The following ATR variants were observed in gnomAD, a reference collection of about 807,000 sequenced individuals.
The protein encoded by ATR is serine/threonine-protein kinase ATR.
ATR carries 142 observed loss-of-function variants against 305.3 expected under a neutral mutation model. That is an observed-to-expected ratio of 0.47 (90% CI 0.41 to 0.53). The LOEUF (loss-of-function observed/expected upper bound fraction) is 0.53, where lower values mean the gene tolerates loss of function less well. Ranked by LOEUF, ATR falls within the 20% of genes least tolerant of loss-of-function variation. ATR has a pLI of 0.00. For missense variants in ATR, 2,135 were observed against 3,133.1 expected, an observed-to-expected ratio of 0.68 and a Z score of 7.60; for synonymous variants, 1,050 against 1,068.1, an observed-to-expected ratio of 0.98 and a Z score of 0.33.
In ATR at chr3:142,457,703, A is replaced by G; in HGVS notation, c.7556T>C (p.Met2519Thr). 1 of 1,614,084 alleles carries G rather than the reference A, an allele frequency of 6.2e-7. No individual in the cohort carries two copies. The highest frequency in any genetic ancestry group is 8.5e-7 in the Non-Finnish European group (1 of 1,179,970). ...TCCCATAGGACCCATTCCATTAACC[A>G]TATTATGAGTCAGGCGAAATGGCAC... is the stretch of plus-strand genomic sequence containing the variant. Reference protein sequence around the residue: ...EIVPFRLTHNMVNGMGPMGTE... With the variant: ...EIVPFRLTHNTVNGMGPMGTE... Residue 2519 changes from methionine to threonine, a missense_variant, in exon 45 of 47, where the codon ATG becomes ACG. Physicochemically the swap from Met to Thr is moderately conservative, Grantham distance 81 (BLOSUM62 -1). Around this residue, in one of 9 missense-constraint regions of ATR, gnomAD observed 462 missense variants for 887.6 expected, o/e 0.52. Transcript: ENST00000350721.
At chr3:142,478,301 G>A (rs1204147136) in intron 36 of ATR, among the ~76,000 whole-genome samples, 10 of 152,174 alleles carry the variant, frequency 6.6e-5, no homozygotes, top group South Asian at 4.2e-4. Context: ...CTTTGTTCTC[G>A]TTGGTTTCAA....
chr3:142,505,118 G>C (rs2108354940), intron 29 of ATR, 21 bp downstream of exon 29: 1 of 1,613,318 alleles, frequency 6.2e-7, no homozygotes, highest in Non-Finnish European at 8.5e-7. Flanking sequence ...CATTACAGTT[G>C]CCTTTCAATT....
intron 21 of ATR, among the ~76,000 whole-genome samples, chr3:142,528,643 G>C (rs2108408593): frequency 6.6e-6 from 1 of 151,432 alleles, no homozygotes; most frequent in African/African-American, 2.4e-5. Flanking sequence ...AAGCCAATTT[G>C]TAAATTTTTT....
At chr3:142,536,801 T>C (rs1490578307) in intron 19 of ATR, among the ~76,000 whole-genome samples, 1 of 152,194 alleles carries the variant, frequency 6.6e-6, no homozygotes, top group Non-Finnish European at 1.5e-5. Flanking sequence ...AAATGCTCAT[T>C]GTTTTAAGAT....
chr3:142,569,658 T>G (rs914941745), intron 1 of ATR, among the ~76,000 whole-genome samples: 2 of 149,176 alleles, frequency 1.3e-5, no homozygotes, highest in South Asian at 2.1e-4. Flanking sequence ...TGTTTTTTGG[T>G]TTTTTTTGAG....
At chr3:142,494,627 G>T (rs2031480827) in intron 34 of ATR, among the ~76,000 whole-genome samples, 1 of 152,126 alleles carries the variant, frequency 6.6e-6, no homozygotes. Context: ...CTAGGTAGAT[G>T]GAATAATAAT....
chr3:142,563,042 G>A lies in ATR; in HGVS notation c.360C>T (p.His120=). 6.3e-7 allele frequency: 1 copy of A among 1,599,438 alleles called. No individual in the cohort carries two copies. Among genetic ancestry groups the A allele is most frequent in the South Asian group, 1.1e-5 (1 of 87,654 alleles). Residue 120 remains histidine (H), a synonymous_variant, in exon 4 of 47, where the codon CAC becomes CAT. Coordinates refer to ENST00000350721, the MANE Select transcript of ATR (RefSeq NM_001184.4). ...AACAGATGACTTCACAGATTTTCTT[G>A]TGTAACAAATGACAGGAGGGAGTTG... ...IAATPSCHLL[H]KKICEVICSL... is the part of the protein sequence containing the mutation.
chr3:142,557,660 A>G (rs1325360433), intron 8 of ATR, among the ~76,000 whole-genome samples: 1 of 152,206 alleles, frequency 6.6e-6, no homozygotes, highest in Non-Finnish European at 1.5e-5. Context: ...GGCTTCCATC[A>G]TATCTCTAAT....
chr3:142,473,273 G>A (rs1303025975), intron 36 of ATR, among the ~76,000 whole-genome samples: 1 of 152,094 alleles, frequency 6.6e-6, no homozygotes, highest in South Asian at 2.1e-4. Context: ...GTTGATTTTT[G>A]TATATGGTGT....
chr3:142,546,225 C>G (rs530432802), intron 16 of ATR, among the ~76,000 whole-genome samples: 1 of 152,274 alleles, frequency 6.6e-6, no homozygotes, highest in Admixed American at 6.5e-5. Context: ...TGTTCCTCTA[C>G]AATGAGAGGA....
intron 12 of ATR, 31 bp from the exon 13 acceptor site, chr3:142,553,429 CACAA>C (rs1429644620): frequency 8.5e-6 from 13 of 1,535,014 alleles, no homozygotes; most frequent in African/African-American, 3.0e-5. Context: ...CATATGAATA[CACAA>C]ACACACACAC....
At chr3:142,517,422 T>C (rs751988755) in intron 24 of ATR, among the ~76,000 whole-genome samples, 1 of 151,822 alleles carries the variant, frequency 6.6e-6, no homozygotes, top group Non-Finnish European at 1.5e-5. Context: ...TTTTAAGAAA[T>C]TCCATATTTC....
intron 14 of ATR, 34 bp downstream of exon 14, chr3:142,550,098 G>T (rs766782119): frequency 6.2e-7 from 1 of 1,610,536 alleles, no homozygotes; most frequent in Admixed American, 1.7e-5. Context: ...ATACTGAATT[G>T]CAAACCTCAA....
chr3:142,535,792 A>C (rs1411206068), intron 20 of ATR, among the ~76,000 whole-genome samples: 3 of 152,192 alleles, frequency 2.0e-5, no homozygotes, highest in Non-Finnish European at 4.4e-5. Context: ...TTCTTCTCTT[A>C]GGGTGTGCCG....
intron 21 of ATR, 90 bp from the exon 22 acceptor site, chr3:142,524,289 A>T (rs2033279491): frequency 8.2e-7 from 1 of 1,224,938 alleles, no homozygotes; most frequent in African/African-American, 1.5e-5. Context: ...ATTAAGGAAT[A>T]TCTAACATAA....
In ATR at chr3:142,450,463, CACTT is replaced by C. The variant is rs2070764092; in HGVS notation, c.7762-865_7762-862del. The C allele has an allele frequency of 4.4e-6, 7 of 1,601,174 alleles. No individual in the cohort carries two copies. In the South Asian group the frequency reaches 7.7e-5, roughly 18 times the overall value. On this transcript the variant is annotated intron_variant, in intron 46 of 46. Transcript: ENST00000350721. Reference sequence around the variant, plus strand: ...ACTACATCACCACAGAGCTATTACTCACTTAATGAGGTCCACTAAAGAGAGAGTT... The same window carrying C: ...ACTACATCACCACAGAGCTATTACTCAATGAGGTCCACTAAAGAGAGAGTT...
intron 21 of ATR, among the ~76,000 whole-genome samples, chr3:142,532,319 A>G (rs576352234): frequency 3.9e-5 from 6 of 152,164 alleles, no homozygotes; most frequent in Admixed American, 3.3e-4. Context: ...AGAATTCTGC[A>G]TTGCCATAAA....
intron 35 of ATR, among the ~76,000 whole-genome samples, chr3:142,486,144 G>A (rs562970754): frequency 6.6e-6 from 1 of 152,254 alleles, no homozygotes; most frequent in Admixed American, 6.5e-5. Context: ...CATGAAATGT[G>A]ATGGGAAATA....
At chr3:142,450,185 C>A in intron 46 of ATR, 3 of 441,544 alleles carry the variant, frequency 6.8e-6, no homozygotes, top group African/African-American at 2.0e-5. Flanking sequence ...ATCGACTTTT[C>A]CGCCAAGAGC....
Sources: gnomAD v4.1 joint callset for allele counts (sites outside exome capture counted in the v4.1 genomes callset) on GRCh38, gnomAD v4.1.1 for gene constraint, gnomAD v4.1.1 regional missense constraint, MANE v1.5 for transcripts, NCBI Gene and HGNC (gene_info 2026-07-23, HGNC 2026-07-21) for gene names.